Variants in ASAP1 observed in about 807,000 individuals in gnomAD.
ASAP1 encodes ArfGAP with SH3 domain, ankyrin repeat and PH domain 1, also known as arf-GAP with SH3 domain, ANK repeat and PH domain-containing protein 1.
In ASAP1, 43 loss-of-function variants were observed where a neutral mutation model predicts 145.2. The observed-to-expected ratio is 0.30, with a 90% CI of 0.23 to 0.38. The LOEUF (loss-of-function observed/expected upper bound fraction) is 0.38. ASAP1 is among the 10% of genes least tolerant of loss of function. ASAP1 has a pLI of 1.00. For synonymous variants in ASAP1, 546 were observed against 515.5 expected, an observed-to-expected ratio of 1.06 and a Z score of -0.80; for missense variants, 1,018 against 1,355.3, an observed-to-expected ratio of 0.75 and a Z score of 3.91.
intron 1 of ASAP1, among the ~76,000 whole-genome samples, chr8:130,416,945 A>C (rs1829500009): frequency 1.3e-5 from 2 of 152,258 alleles, no homozygotes; most frequent in African/African-American, 4.8e-5. Context: ...AAGTGGGATA[A>C]TACATAGCCA....
intron 9 of ASAP1, 40 bp downstream of exon 9, chr8:130,179,224 G>T: frequency 8.0e-7 from 1 of 1,253,392 alleles, no homozygotes; most frequent in South Asian, 1.2e-5. Flanking sequence ...ACAGGGGGCA[G>T]TAATTGGGCT....
intron 3 of ASAP1, among the ~76,000 whole-genome samples, chr8:130,313,197 T>C (rs896727438): frequency 4.6e-5 from 7 of 152,094 alleles, no homozygotes; most frequent in Non-Finnish European, 5.9e-5. Context: ...TGAAATATAC[T>C]GATAAGCAAA....
rs2097634714 is a variant in ASAP1, at chr8:130,147,489, A to G, written c.1080+5247T>C. Among the ~76,000 whole-genome samples the G allele has an allele frequency of 2.0e-5, 3 of 152,238 alleles. No individual in the cohort carries two copies. In the South Asian group the frequency reaches 6.2e-4, roughly 32 times the overall value. ...CTAGGCAGTCTGGCTCCAGGGTTCCAGATGCTGTGATCCTACTTCAGCTCA... is the reference window on the plus strand; with the variant it reads ...CTAGGCAGTCTGGCTCCAGGGTTCCGGATGCTGTGATCCTACTTCAGCTCA... On this transcript the variant is annotated intron_variant, in intron 13 of 29. Coordinates refer to ENST00000518721, the MANE Select transcript of ASAP1 (RefSeq NM_018482.4).
chr8:130,262,449 AG>A (rs1400273647), intron 3 of ASAP1, among the ~76,000 whole-genome samples: 2 of 102,436 alleles, frequency 2.0e-5, no homozygotes, highest in Non-Finnish European at 4.2e-5. Context: ...AGAGAGAGAG[AG>A]AGAGAGAACC....
At chr8:130,262,416 A>AAGAGAGAG (rs71513089) in intron 3 of ASAP1, among the ~76,000 whole-genome samples, 40 of 57,850 alleles carry the variant, frequency 6.9e-4, no homozygotes, top group African/African-American at 1.7e-3. Context: ...AAAAAAAAAA[A>AAGAGAGAG]AGAGAGAGAG....
intron 1 of ASAP1, among the ~76,000 whole-genome samples, chr8:130,432,167 G>A: frequency 6.9e-6 from 1 of 144,988 alleles, no homozygotes; most frequent in South Asian, 2.4e-4. Context: ...GAGGGGAGGA[G>A]GGGAAAGGGG....
chr8:130,215,973 G>A (rs1371047760), intron 4 of ASAP1, among the ~76,000 whole-genome samples: 1 of 60,210 alleles, frequency 1.7e-5, no homozygotes, highest in Non-Finnish European at 2.9e-5. Flanking sequence ...AAAAGAAAAA[G>A]AAAAAGGAAA....
chr8:130,324,790 A>G (rs4733788), intron 3 of ASAP1, among the ~76,000 whole-genome samples: 28,334 of 152,192 alleles, frequency 0.19, 3,314 homozygotes, highest in East Asian at 0.45. Flanking sequence ...CACATGGCCC[A>G]CATCTTAACC....
chr8:130,076,412 C>T lies in ASAP1; in HGVS notation c.2643-6G>A. 1 of 1,604,094 alleles carries T rather than the reference C, an allele frequency of 6.2e-7. No homozygotes were observed. The highest frequency in any genetic ancestry group is 1.3e-5 in the African/African-American group (1 of 74,676). On this transcript the variant is annotated splice_polypyrimidine_tract_variant and splice_region_variant and intron_variant, in intron 26 of 29. Transcript: ENST00000518721. Reference sequence around the variant, plus strand: ...CAGTCTTTGCAGAACTGGTGCTAATCAACAAATAAGAATCATTTAGGATCT... The same window carrying T: ...CAGTCTTTGCAGAACTGGTGCTAATTAACAAATAAGAATCATTTAGGATCT...
intron 5 of ASAP1, among the ~76,000 whole-genome samples, chr8:130,199,544 A>G (rs1815732173): frequency 6.6e-6 from 1 of 152,208 alleles, no homozygotes; most frequent in South Asian, 2.1e-4. Flanking sequence ...TCTGGCAAGA[A>G]GAGAAGAAAG....
intron 3 of ASAP1, among the ~76,000 whole-genome samples, chr8:130,278,092 G>A (rs1191643738): frequency 1.3e-5 from 2 of 151,436 alleles, no homozygotes; most frequent in Non-Finnish European, 2.9e-5. Context: ...AAAAATCAAA[G>A]GGCCTTATAA....
intron 3 of ASAP1, among the ~76,000 whole-genome samples, chr8:130,318,426 A>G (rs1287598330): frequency 3.3e-5 from 5 of 152,208 alleles, no homozygotes; most frequent in Non-Finnish European, 5.9e-5. Context: ...ATGGAGTTAG[A>G]CAGAGCTACA....
intron 1 of ASAP1, among the ~76,000 whole-genome samples, chr8:130,423,822 G>A (rs1043495954): frequency 6.6e-6 from 1 of 151,964 alleles, no homozygotes; most frequent in Non-Finnish European, 1.5e-5. Context: ...TTTCTGTTAT[G>A]AGCATTTACT....
At chr8:130,327,397 G>C (rs1344494778) in intron 3 of ASAP1, among the ~76,000 whole-genome samples, 2 of 152,154 alleles carry the variant, frequency 1.3e-5, no homozygotes, top group Non-Finnish European at 2.9e-5. Context: ...TCCAGTGTTA[G>C]GGACCTTGTT....
intron 2 of ASAP1, among the ~76,000 whole-genome samples, chr8:130,391,550 T>C (rs1828284864): frequency 6.6e-6 from 1 of 152,072 alleles, no homozygotes; most frequent in African/African-American, 2.4e-5. Flanking sequence ...TTTGAGAAAA[T>C]AGCTTTGGAA....
At chr8:130,268,480 C>T (rs987968038) in intron 3 of ASAP1, among the ~76,000 whole-genome samples, 1 of 129,018 alleles carries the variant, frequency 7.8e-6, no homozygotes, top group Admixed American at 8.6e-5. Context: ...AGAGTAAGAT[C>T]CCGTCTTAAA....
intron 29 of ASAP1, among the ~76,000 whole-genome samples, chr8:130,055,587 G>A (rs1347385939): frequency 1.3e-5 from 2 of 151,504 alleles, no homozygotes; most frequent in East Asian, 1.9e-4. Flanking sequence ...TCTGGTTACC[G>A]TGGAGGAAGA....
intron 3 of ASAP1, among the ~76,000 whole-genome samples, chr8:130,251,345 G>A (rs1021298859): frequency 6.6e-6 from 1 of 152,142 alleles, no homozygotes; most frequent in Admixed American, 6.5e-5. Context: ...TTGAACCTGG[G>A]GGGAGGAGGC....
intron 3 of ASAP1, among the ~76,000 whole-genome samples, chr8:130,262,917 C>G (rs1162153827): frequency 6.6e-6 from 1 of 152,150 alleles, no homozygotes; most frequent in Non-Finnish European, 1.5e-5. Context: ...CTGCAACATT[C>G]CAACCAAAGA....
Sources: allele counts gnomAD v4.1 joint callset (sites outside exome capture counted in the v4.1 genomes callset), GRCh38; gene constraint gnomAD v4.1.1; transcripts MANE v1.5; gene names NCBI Gene and HGNC (gene_info 2026-07-23, HGNC 2026-07-21).